TMEM223: variants seen among roughly 807,000 people sequenced by gnomAD.
The protein encoded by TMEM223 is transmembrane protein 223.
In TMEM223, 14 loss-of-function variants were observed where a neutral mutation model predicts 14.1. The ratio of observed to expected loss-of-function variants is 0.99; its 90% confidence interval spans 0.66 to 1.55. The LOEUF is 1.55. Among genes scored for constraint, TMEM223 ranks in the 40% most tolerant of loss-of-function variants. The pLI, the probability that TMEM223 is intolerant of heterozygous loss-of-function variation, is 0.00. For synonymous variants in TMEM223, 145 were observed against 120.5 expected (o/e 1.20, Z -1.33); for missense variants, 346 against 269.9 (o/e 1.28, Z -1.97).
chr11:62,779,727 G>A (rs1048468424), intron 1 of TMEM223, among the ~76,000 whole-genome samples: 1 of 151,488 alleles, frequency 6.6e-6, no homozygotes, highest in Non-Finnish European at 1.5e-5. Context: ...GTGCAGTGGT[G>A]TGATGTTGGC....
At chr11:62,782,277 G>T in intron 1 of TMEM223, 1 of 1,614,192 alleles carries the variant, frequency 6.2e-7, no homozygotes, top group Non-Finnish European at 8.5e-7. Flanking sequence ...TCAACCCCCT[G>T]AATGACCACT....
chr11:62,779,976 A>ATATATATATTTTTTTTTTTT (rs1294367864), intron 1 of TMEM223, among the ~76,000 whole-genome samples: 1 of 52,632 alleles, frequency 1.9e-5, no homozygotes, highest in South Asian at 6.1e-4. Flanking sequence ...ATATATATAT[A>ATATATATATTTTTTTTTTTT]TTTTTTTTTT....
chr11:62,787,154 G>T, downstream of TMEM223: 1 of 1,575,164 alleles, frequency 6.3e-7, no homozygotes, highest in Non-Finnish European at 8.5e-7. Context: ...TGCCGCGGGC[G>T]CCTTTTCCAG....
Position 62,776,551 on chromosome 11 carries a change from G to C in TMEM223, c.315-1886C>G, listed in dbSNP as rs1005615647. ...CAGTTCAGGGCTGGCGATGTGGTGA[G>C]ACATTAAGACCAAACGCTGCCGGGC... On this transcript the variant is annotated intron_variant, in intron 1 of 2. Transcript: ENST00000528367. The C allele has an allele frequency of 9.2e-6, 13 of 1,417,976 alleles. No homozygotes were observed. In the African/African-American group the frequency reaches 1.8e-4, roughly 20 times the overall value. 87.8% of individuals were successfully genotyped at this position (1,417,976 alleles called of 1,614,324 possible). A position where few individuals can be genotyped will look rare whatever the true frequency, so the allele number is the denominator to read the frequency against.
At chr11:62,784,081 C>T (rs562718024), downstream of TMEM223, among the ~76,000 whole-genome samples, 219 of 94,954 alleles carry the variant, frequency 2.3e-3, no homozygotes, top group Non-Finnish European at 3.4e-3. Context: ...CTCCACCTCC[C>T]GGGTTCAAGT....
At chr11:62,784,760 A>G (rs2084257994), downstream of TMEM223, among the ~76,000 whole-genome samples, 1 of 152,206 alleles carries the variant, frequency 6.6e-6, no homozygotes, top group African/African-American at 2.4e-5. Flanking sequence ...ATGATACACT[A>G]AACTATGTCA....
At chr11:62,787,103 A>T (rs1448889371), downstream of TMEM223, 89 of 1,546,622 alleles carry the variant, frequency 5.8e-5, no homozygotes, top group Non-Finnish European at 7.5e-5. Context: ...GGCGCCCCGC[A>T]CTTTCGTTTC....
At chr11:62,774,744 C>A in intron 1 of TMEM223, 1 of 442,254 alleles carries the variant, frequency 2.3e-6, no homozygotes, top group Non-Finnish European at 4.6e-6. Context: ...GAAAGCCCAG[C>A]TACTATCCAG....
chr11:62,786,835 G>A (rs1395752620), downstream of TMEM223: 16 of 1,601,576 alleles, frequency 1.0e-5, no homozygotes, highest in East Asian at 2.2e-5. Flanking sequence ...GCGGCCGCCC[G>A]GGGACAAGAA....
At chr11:62,787,733 C>T (rs2084304659), downstream of TMEM223, 1 of 700,184 alleles carries the variant, frequency 1.4e-6, no homozygotes, top group Non-Finnish European at 2.4e-6. Context: ...CGAAGTTGTC[C>T]CCTCGCCAAA....
chr11:62,780,495 G>A (rs1413711886), intron 1 of TMEM223, among the ~76,000 whole-genome samples: 1 of 150,416 alleles, frequency 6.6e-6, no homozygotes, highest in Non-Finnish European at 1.5e-5. Context: ...TGGGCAACAA[G>A]AACAAAACTT....
At chr11:62,782,082 G>T (rs1350765388) in intron 1 of TMEM223, 1 of 1,591,180 alleles carries the variant, frequency 6.3e-7, no homozygotes, top group Non-Finnish European at 8.6e-7. Context: ...GTCCCCTCAT[G>T]TCCCTGTAAG....
chr11:62,790,592 T>G lies in TMEM223; in HGVS notation c.*31A>C. 1 of 1,580,018 alleles carries G rather than the reference T, an allele frequency of 6.3e-7. No homozygotes were observed. The highest frequency in any genetic ancestry group is 8.6e-7 in the Non-Finnish European group (1 of 1,159,048). ...CCAAGGTTCAGTTTTTATCCTCCTC[T>G]TGGAGAGGTGAGTGACTTGAGGTCA... On this transcript the variant is annotated 3_prime_UTR_variant, in exon 2 of 2. Transcript: ENST00000307366.
At chr11:62,782,557 C>T, downstream of TMEM223, 1 of 1,315,976 alleles carries the variant, frequency 7.6e-7, no homozygotes, top group East Asian at 2.3e-5. Flanking sequence ...AGGCCAGTCA[C>T]CCCTGGCAGC....
chr11:62,779,305 C>T (rs1377736140), intron 1 of TMEM223, among the ~76,000 whole-genome samples: 1 of 152,140 alleles, frequency 6.6e-6, no homozygotes, highest in Non-Finnish European at 1.5e-5. Flanking sequence ...TGCCATTCTC[C>T]TGCCTTAGCC....
intron 1 of TMEM223, chr11:62,778,839 T>C: frequency 6.2e-7 from 1 of 1,600,562 alleles, no homozygotes; most frequent in South Asian, 1.1e-5. Context: ...GCTCTCCACC[T>C]GTCCCTGCTT....
chr11:62,776,850 G>GA (rs71056563), intron 1 of TMEM223, among the ~76,000 whole-genome samples: 2,784 of 68,102 alleles, frequency 0.041, 65 homozygotes, highest in African/African-American at 0.12. Flanking sequence ...CTCAAAAAAA[G>GA]AAAAAAAAAA....
At chr11:62,785,272 A>G (rs1467123694), downstream of TMEM223, among the ~76,000 whole-genome samples, 1 of 151,440 alleles carries the variant, frequency 6.6e-6, no homozygotes, top group Admixed American at 6.6e-5. Flanking sequence ...GCTCACTGCA[A>G]CCTCTGCCTC....
chr11:62,776,513 C>T lies in TMEM223; in HGVS notation c.315-1848G>A, dbSNP rs761757486. ...TACAGAGGGCTCAGGTGGCATGAGG[C>T]CACTTCCATGTCCAGTTCAGGGCTG... On this transcript the variant is annotated intron_variant, in intron 1 of 2. Transcript: ENST00000528367. 2.0e-5 allele frequency: 32 copies of T among 1,587,234 alleles called. 1 individual carries two copies. In the East Asian group the frequency reaches 6.7e-4, roughly 33 times the overall value.
Sources: gnomAD v4.1 joint callset for allele counts (sites outside exome capture counted in the v4.1 genomes callset) on GRCh38, gnomAD v4.1.1 for gene constraint, MANE v1.5 for transcripts, NCBI Gene and HGNC (gene_info 2026-07-23, HGNC 2026-07-21) for gene names.